The following MASTL variants were observed in gnomAD, a reference collection of about 807,000 sequenced individuals.
The protein encoded by MASTL is serine/threonine-protein kinase greatwall.
A neutral mutation model predicts 82.5 loss-of-function variants in MASTL; 54 were observed. The ratio of observed to expected loss-of-function variants is 0.65; its 90% confidence interval spans 0.53 to 0.82. MASTL has a LOEUF of 0.82. Among genes scored for constraint, MASTL ranks in the 40% least tolerant of loss-of-function variants. The pLI is 0.00. For synonymous variants in MASTL, 323 were observed against 368.9 expected, an observed-to-expected ratio of 0.88 and a Z score of 1.43; for missense variants, 950 against 1,047.8, an observed-to-expected ratio of 0.91 and a Z score of 1.29.
Position 27,170,500 on chromosome 10 carries a change from C to A in MASTL, c.1541C>A (p.Thr514Asn), listed in dbSNP as rs1448383696. Reference sequence around the variant, plus strand: ...AAGGAGAACATTGTCAATTCTTTTACTGATAAACAACAAACACCAGAAAAA... The same window carrying A: ...AAGGAGAACATTGTCAATTCTTTTAATGATAAACAACAAACACCAGAAAAA... ...ANKENIVNSF[T>N]DKQQTPEKLP... Residue 514 changes from threonine (T) to asparagine (N), a missense_variant, in exon 8 of 12, where the codon ACT becomes AAT. By Grantham distance (65) the Thr-to-Asn change is moderately conservative. Coordinates refer to ENST00000375940, the MANE Select transcript of MASTL (RefSeq NM_001172303.3). 2 of 1,613,996 alleles carry A rather than the reference C, an allele frequency of 1.2e-6. No individual in the cohort carries two copies. The highest frequency in any genetic ancestry group is 1.7e-6 in the Non-Finnish European group (2 of 1,179,968).
chr10:27,157,077 AC>A (rs1348887454), intron 1 of MASTL, among the ~76,000 whole-genome samples: 1 of 152,098 alleles, frequency 6.6e-6, no homozygotes, highest in Non-Finnish European at 1.5e-5. Context: ...TGCTGGGATT[AC>A]AGGGGTGAGC....
intron 11 of MASTL, 83 bp from the exon 12 acceptor site, chr10:27,186,296 A>G (rs1210418534): frequency 6.7e-6 from 9 of 1,341,212 alleles, no homozygotes; most frequent in Non-Finnish European, 6.4e-6. Flanking sequence ...TATGTGAGAC[A>G]TTCTCTTTTT....
intron 2 of MASTL, among the ~76,000 whole-genome samples, chr10:27,158,916 A>AGGCCAAGG (rs2135964936): frequency 6.6e-6 from 1 of 152,364 alleles, no homozygotes; most frequent in South Asian, 2.1e-4. Flanking sequence ...ATAGAGAGAC[A>AGGCCAAGG]GGCCAAGGGG....
chr10:27,164,912 A>G (rs1360684641), intron 4 of MASTL, 152 bp from the exon 5 acceptor site: 15 of 608,518 alleles, frequency 2.5e-5, no homozygotes. Context: ...TGCTGGCATT[A>G]TAGGTGTGAG....
chr10:27,170,436 C>T lies in MASTL; in HGVS notation c.1477C>T (p.Leu493=), dbSNP rs2057891864. The T allele has an allele frequency of 6.2e-7, 1 of 1,613,964 alleles. No individual in the cohort carries two copies. The highest frequency in any genetic ancestry group is 1.3e-5 in the African/African-American group (1 of 74,912). ...AACAGTTGAAGTGCAGGACCTTAAG[C>T]TATCAGTGCACAAAAGTCAACAAAA... The part of the protein sequence containing the change: ...GLTVEVQDLK[L]SVHKSQQNDC... The change falls in exon 8 of 12, where the codon CTA becomes TTA. Residue 493 remains leucine (L), a synonymous_variant. Coordinates refer to ENST00000375940, the MANE Select transcript of MASTL (RefSeq NM_001172303.3).
intron 9 of MASTL, among the ~76,000 whole-genome samples, chr10:27,176,931 C>T (rs751108586): frequency 8.6e-5 from 13 of 151,364 alleles, no homozygotes; most frequent in African/African-American, 2.7e-4. Flanking sequence ...CTGCAACTCC[C>T]GCCTCCTGGG....
chr10:27,155,172 C>T (rs1263587787), upstream of MASTL: 3 of 540,944 alleles, frequency 5.5e-6, no homozygotes, highest in African/African-American at 3.8e-5. Context: ...CTGTTTGTGC[C>T]TCCTCCCTCA....
At chr10:27,164,275 C>T (rs1278602221) in intron 4 of MASTL, among the ~76,000 whole-genome samples, 1 of 152,192 alleles carries the variant, frequency 6.6e-6, no homozygotes, top group African/African-American at 2.4e-5. Context: ...TCCCCAGTAG[C>T]TGGGACTACA....
chr10:27,177,729 C>G (rs2058145109), intron 9 of MASTL: 1 of 353,770 alleles, frequency 2.8e-6, no homozygotes, highest in African/African-American at 2.2e-5. Flanking sequence ...GTGCCCAGTT[C>G]AGTGAATGAT....
chr10:27,161,088 G>A lies in MASTL; in HGVS notation c.465-6G>A, dbSNP rs1170921506. The A allele has an allele frequency of 1.3e-6, 2 of 1,596,212 alleles. No individual in the cohort carries two copies. The highest frequency in any genetic ancestry group is 1.7e-5 in the Admixed American group (1 of 59,978). ...GTTATCTAATATTTGCCTTTTGTGT[G>A]TGCAGGGACTTGAAACCGGACAATA... On this transcript the variant is annotated splice_polypyrimidine_tract_variant and splice_region_variant and intron_variant, in intron 3 of 11. Coordinates refer to ENST00000375940, the MANE Select transcript of MASTL (RefSeq NM_001172303.3).
chr10:27,171,136 G>C, intron 8 of MASTL, 53 bp downstream of exon 8: 4 of 1,477,778 alleles, frequency 2.7e-6, no homozygotes. Flanking sequence ...AAACTATGAA[G>C]ACAGACATTT....
chr10:27,171,049 C>G lies in MASTL; in HGVS notation c.2090C>G (p.Pro697Arg). 1 of 1,613,986 alleles carries G rather than the reference C, an allele frequency of 6.2e-7. No individual in the cohort carries two copies. Among genetic ancestry groups the G allele is most frequent in the Non-Finnish European group, 8.5e-7 (1 of 1,179,966 alleles). ...GGTTCATATCCCATGGCTATAACCC[C>G]TACTCAAAAAAGAAGATCCTGTATG... ...YSGSYPMAIT[P>R]TQKRRSCMPH... The change falls in exon 8 of 12, where the codon CCT becomes CGT. Residue 697 changes from proline (P) to arginine (R), a missense_variant. Physicochemically the swap from Pro to Arg is moderately radical, Grantham distance 103. Transcript: ENST00000375940.
rs938827698 is a variant in MASTL at position 27,187,893 on chromosome 10, T to C, written c.*1357T>C. 6.6e-6 allele frequency among the ~76,000 whole-genome samples: 1 copy of C among 152,336 alleles called. No individual in the cohort carries two copies. Among genetic ancestry groups the C allele is most frequent in the East Asian group, 1.9e-4 (1 of 5,190 alleles). ...AACATGCAACATTATCAGAAACAGA[T>C]TGGTCCTTAAAAAACAAAACATAAT... On this transcript the variant is annotated 3_prime_UTR_variant, in exon 12 of 12. Transcript: ENST00000375940.
In MASTL at chr10:27,170,910, A is replaced by G; in HGVS notation, c.1951A>G (p.Asn651Asp). 3 of 1,614,180 alleles carry G rather than the reference A, an allele frequency of 1.9e-6. No homozygotes were observed. Among genetic ancestry groups the G allele is most frequent in the Non-Finnish European group, 2.5e-6 (3 of 1,180,022 alleles). ...GCTGAAAACGTTAGCCTCTAAAAGAAATGCTGTTGCTTTTCGAAGTTTTAA... is the reference window on the plus strand; with the variant it reads ...GCTGAAAACGTTAGCCTCTAAAAGAGATGCTGTTGCTTTTCGAAGTTTTAA... ...EVLKTLASKR[N>D]AVAFRSFNSH... Residue 651 changes from asparagine to aspartate, a missense_variant, in exon 8 of 12, where the codon AAT (asparagine) becomes GAT (aspartate). Coordinates refer to ENST00000375940, the MANE Select transcript of MASTL (RefSeq NM_001172303.3).
chr10:27,186,599 C>A lies in MASTL; in HGVS notation c.*63C>A. 3.0e-6 allele frequency: 4 copies of A among 1,335,174 alleles called. No individual in the cohort carries two copies. Among genetic ancestry groups the A allele is most frequent in the Non-Finnish European group, 3.2e-6 (3 of 925,024 alleles). 82.7% of individuals were successfully genotyped at this position (1,335,174 alleles called of 1,614,324 possible). A position where few individuals can be genotyped will look rare whatever the true frequency, so the allele number is the denominator to read the frequency against. On this transcript the variant is annotated 3_prime_UTR_variant, in exon 12 of 12. Coordinates refer to ENST00000375940, the MANE Select transcript of MASTL (RefSeq NM_001172303.3). ...GAATGAACTTGCATAATTATATACT[C>A]CTTAATACTAGATTGATCTAAGGGG...
intron 7 of MASTL, among the ~76,000 whole-genome samples, chr10:27,169,705 A>G (rs1045356131): frequency 6.6e-6 from 1 of 152,220 alleles, no homozygotes. Flanking sequence ...TACAATCAAA[A>G]TAAGTATTAT....
intron 11 of MASTL, 35 bp from the exon 12 acceptor site, chr10:27,186,344 G>A (rs776652232): frequency 1.3e-6 from 2 of 1,588,472 alleles, no homozygotes; most frequent in East Asian, 2.2e-5. Flanking sequence ...CTTAGGTAAT[G>A]ATATCATACT....
chr10:27,168,672 C>G (rs1271751773), intron 7 of MASTL, among the ~76,000 whole-genome samples: 1 of 152,022 alleles, frequency 6.6e-6, no homozygotes, highest in Non-Finnish European at 1.5e-5. Context: ...CAAAAATTAA[C>G]TGGGCGTGGT....
intron 11 of MASTL, among the ~76,000 whole-genome samples, chr10:27,183,267 C>A (rs943235143): frequency 1.6e-4 from 16 of 97,796 alleles, no homozygotes; most frequent in African/African-American, 4.1e-4. Flanking sequence ...CCTTAAAATT[C>A]TTTTGTTGTT....
Sources: gnomAD v4.1 joint callset for allele counts (sites outside exome capture counted in the v4.1 genomes callset) on GRCh38, gnomAD v4.1.1 for gene constraint, MANE v1.5 for transcripts, NCBI Gene and HGNC (gene_info 2026-07-23, HGNC 2026-07-21) for gene names.